MTFR1L: variants seen among roughly 807,000 people sequenced by gnomAD.
The protein encoded by MTFR1L is mitochondrial fission regulator 1-like.
A neutral mutation model predicts 27.9 loss-of-function variants in MTFR1L; 10 were observed. That is an observed-to-expected ratio of 0.36 (90% CI 0.22 to 0.61). The LOEUF is 0.61. Among genes scored for constraint, MTFR1L ranks in the 20% least tolerant of loss-of-function variants. The probability of loss-of-function intolerance (pLI) is 0.73; values close to 1 mark genes in which losing one functional copy is unlikely to be tolerated. For synonymous variants in MTFR1L, 151 were observed against 139.4 expected (o/e 1.08, Z -0.58); for missense variants, 315 against 363.7 (o/e 0.87, Z 1.09).
At chr1:25,830,541 G>A (rs1031087300) in intron 6 of MTFR1L, among the ~76,000 whole-genome samples, 2 of 152,218 alleles carry the variant, frequency 1.3e-5, no homozygotes, top group African/African-American at 4.8e-5. Flanking sequence ...TGTTTCTCCA[G>A]TTGTGGGTTG....
In MTFR1L at chr1:25,827,667, C is replaced by G. The variant is rs868049024; in HGVS notation, c.451+841C>G. ...CATTAATCAGGCTGGTCTCAAACTC[C>G]TGGCCTCAAGCAATCCACCCAGCTC... On this transcript the variant is annotated intron_variant, in intron 5 of 6. Coordinates refer to ENST00000374303, the MANE Select transcript of MTFR1L (RefSeq NM_001099625.2). Among the ~76,000 whole-genome samples the G allele has an allele frequency of 3.3e-5, 5 of 152,116 alleles. 1 individual carries two copies. The highest frequency in any genetic ancestry group is 4.1e-4 in the South Asian group (2 of 4,830).
In MTFR1L at chr1:25,826,915, C is replaced by T; in HGVS notation, c.451+89C>T. 2 of 1,441,756 alleles carry T rather than the reference C, an allele frequency of 1.4e-6. No homozygotes were observed. Among genetic ancestry groups the T allele is most frequent in the Non-Finnish European group, 1.9e-6 (2 of 1,060,218 alleles). The allele number at this position is 1,441,756 out of a possible 1,614,324, so 89.3% of individuals were successfully genotyped here. A position where few individuals can be genotyped will look rare whatever the true frequency, so the allele number is the denominator to read the frequency against. On this transcript the variant is annotated intron_variant, in intron 5 of 6. Coordinates refer to ENST00000374303, the MANE Select transcript of MTFR1L (RefSeq NM_001099625.2). The surrounding 1 kb of genome is among the most constrained non-coding windows in gnomAD (Gnocchi z 4.1). The stretch of plus-strand genomic sequence containing the variant: ...GGATAGGGGTAAAGAAAGTGGTAAT[C>T]CTTGGTTTGCAGGTACTTAGGTTCC...
In MTFR1L at chr1:25,832,348, A is replaced by C. The variant is rs2048256481; in HGVS notation, c.*322A>C. The C allele has an allele frequency of 1.6e-6, 1 of 630,974 alleles. No homozygotes were observed. The highest frequency in any genetic ancestry group is 1.8e-5 in the African/African-American group (1 of 54,398). 39.1% of individuals were successfully genotyped at this position (630,974 alleles called of 1,614,324 possible). ...TGTGAAAATAGGTCCTAAATGACTG[A>C]CTTCACTGCATTAGACCCTATAGCT... is the stretch of plus-strand genomic sequence containing the variant. On this transcript the variant is annotated 3_prime_UTR_variant, in exon 7 of 7. Transcript: ENST00000374303.
chr1:25,824,681 G>A (rs1453143681), intron 3 of MTFR1L, among the ~76,000 whole-genome samples: 1 of 152,056 alleles, frequency 6.6e-6, no homozygotes, highest in Non-Finnish European at 1.5e-5. Context: ...GTAGGGGGCA[G>A]GAAAAGCTGT....
chr1:25,821,791 G>A (rs576899974), intron 1 of MTFR1L: 1 of 152,408 alleles, frequency 6.6e-6, no homozygotes, highest in South Asian at 2.1e-4. Context: ...CAGGGCACTA[G>A]GGCCAGAGCT....
intron 1 of MTFR1L, 82 bp from the exon 2 acceptor site, chr1:25,822,937 G>A: frequency 7.9e-7 from 1 of 1,268,794 alleles, no homozygotes; most frequent in South Asian, 1.2e-5. Context: ...GCAGGGCCTG[G>A]TTTTTTGGGG....
chr1:25,832,173 C>T lies in MTFR1L; in HGVS notation c.*147C>T, dbSNP rs1422635203. The T allele has an allele frequency of 3.4e-5, 52 of 1,546,644 alleles. No individual in the cohort carries two copies. Among genetic ancestry groups the T allele is most frequent in the Non-Finnish European group, 4.5e-5 (52 of 1,150,342 alleles). ...TAGAGCTTGGACTGAAAGAGAAGAG[C>T]TGGATTATATATTTCCCAGACTTCA... On this transcript the variant is annotated 3_prime_UTR_variant, in exon 7 of 7. Coordinates refer to ENST00000374303, the MANE Select transcript of MTFR1L (RefSeq NM_001099625.2).
intron 1 of MTFR1L, chr1:25,822,341 G>A (rs2048104951): frequency 6.6e-6 from 1 of 152,656 alleles, no homozygotes; most frequent in Non-Finnish European, 1.5e-5. Flanking sequence ...CCTTTGCAAG[G>A]GCCCAGCAGT....
chr1:25,820,801 C>T, intron 1 of MTFR1L: 1 of 420,892 alleles, frequency 2.4e-6, no homozygotes, highest in Non-Finnish European at 4.7e-6. Context: ...GTGTCCTAGG[C>T]AGACACCGTG....
chr1:25,820,850 A>C (rs1000942467), intron 1 of MTFR1L: 3 of 382,156 alleles, frequency 7.9e-6, no homozygotes, highest in Non-Finnish European at 1.5e-5. Flanking sequence ...TCCTCTCGCG[A>C]GGACTCCGAG....
At chr1:25,823,293 AC>A (rs1557441376) in intron 2 of MTFR1L, 165 bp downstream of exon 2, 2 of 781,322 alleles carry the variant, frequency 2.6e-6, no homozygotes, top group Non-Finnish European at 4.5e-6. Flanking sequence ...AGAAGAACCA[AC>A]TATGATCCTG....
chr1:25,828,222 TTTC>T (rs2048192239), intron 5 of MTFR1L, among the ~76,000 whole-genome samples: 1 of 152,322 alleles, frequency 6.6e-6, no homozygotes, highest in Middle Eastern at 3.4e-3. Context: ...TATGTTATGT[TTTC>T]TTATCTCAAA....
chr1:25,831,715 G>C (rs571605836), intron 6 of MTFR1L, among the ~76,000 whole-genome samples: 1 of 152,326 alleles, frequency 6.6e-6, no homozygotes, highest in South Asian at 2.1e-4. Flanking sequence ...CTGAACTCTG[G>C]ATTCACCGCT....
intron 1 of MTFR1L, chr1:25,820,732 T>C (rs986064593): frequency 1.6e-5 from 7 of 437,310 alleles, no homozygotes; most frequent in African/African-American, 1.5e-4. Flanking sequence ...GGGGCGGGGG[T>C]GACAGCTGAG....
Position 25,823,718 on chromosome 1 carries a change from C to T in MTFR1L, c.99C>T (p.Pro33=), listed in dbSNP as rs769343659. Residue 33 remains proline, a synonymous_variant, in exon 3 of 7, where the codon CCC becomes CCT. Coordinates refer to ENST00000374303, the MANE Select transcript of MTFR1L (RefSeq NM_001099625.2). ...TAAGAAGAATTGGGACCAACCTACC[C>T]TTGAAGCCGTGTGCCCGGGCGTCCT... ...SVVRRIGTNL[P]LKPCARASFE... is the part of the protein sequence containing the mutation. 6.2e-7 allele frequency: 1 copy of T among 1,614,114 alleles called. No individual in the cohort carries two copies. The highest frequency in any genetic ancestry group is 1.1e-5 in the South Asian group (1 of 91,076).
chr1:25,829,640 G>C lies in MTFR1L; in HGVS notation c.583G>C (p.Val195Leu). ...TAGTGACATCACCGAGGAGACAGAG[G>C]TGGAGGTCCCTGAGCTTCCATCAGT... ...VISDITEETE[V>L]EVPELPSVPL... is the part of the protein sequence containing the mutation. The change falls in exon 6 of 7, where the codon GTG becomes CTG. Residue 195 changes from valine to leucine, a missense_variant. Val to Leu is a conservative substitution (Grantham distance 32, BLOSUM62 1). Coordinates refer to ENST00000374303, the MANE Select transcript of MTFR1L (RefSeq NM_001099625.2). The C allele has an allele frequency of 3.1e-6, 5 of 1,614,182 alleles. No individual in the cohort carries two copies. The highest frequency in any genetic ancestry group is 4.2e-6 in the Non-Finnish European group (5 of 1,180,038).
Position 25,829,260 on chromosome 1 carries a change from T to C in MTFR1L, c.452-249T>C, listed in dbSNP as rs564584538. ...GGGAGCTTTTAAATGCCAAGGCCAT[T>C]ATGGGGCTGGGTTTTCCTGCCTTCC... On this transcript the variant is annotated intron_variant, in intron 5 of 6. Coordinates refer to ENST00000374303, the MANE Select transcript of MTFR1L (RefSeq NM_001099625.2). Among the ~76,000 whole-genome samples, 4 of 152,250 alleles carry C rather than the reference T, an allele frequency of 2.6e-5. No homozygotes were observed. In the South Asian group the frequency reaches 8.3e-4, roughly 32 times the overall value.
chr1:25,828,211 T>C (rs2048192030), intron 5 of MTFR1L, among the ~76,000 whole-genome samples: 1 of 152,292 alleles, frequency 6.6e-6, no homozygotes, highest in South Asian at 2.1e-4. Context: ...TTTCATGACA[T>C]TATGTTATGT....
In MTFR1L at chr1:25,823,134, G is replaced by A. The variant is rs1274452239; in HGVS notation, c.24+6G>A. 1.2e-6 allele frequency: 2 copies of A among 1,613,992 alleles called. No homozygotes were observed. The highest frequency in any genetic ancestry group is 1.7e-6 in the Non-Finnish European group (2 of 1,179,884). On this transcript the variant is annotated splice_donor_region_variant and intron_variant, in intron 2 of 6. Coordinates refer to ENST00000374303, the MANE Select transcript of MTFR1L (RefSeq NM_001099625.2). ...CAGGAATGGAAGCCACTGTGGTAAG[G>A]GGCATTCCCAGGGCAGGGGTATGGT...
Sources: gnomAD v4.1 joint callset for allele counts (sites outside exome capture counted in the v4.1 genomes callset) on GRCh38, gnomAD v4.1.1 for gene constraint, Gnocchi (gnomAD v3.1) non-coding constraint, MANE v1.5 for transcripts, NCBI Gene and HGNC (gene_info 2026-07-23, HGNC 2026-07-21) for gene names.